Variants in LIMA1 observed in about 807,000 individuals in gnomAD.
LIMA1 encodes the protein LIM domain and actin binding 1.
LIMA1 carries 52 observed loss-of-function variants against 62.6 expected under a neutral mutation model. The observed-to-expected ratio is 0.83, with a 90% CI of 0.67 to 1.05. The LOEUF (loss-of-function observed/expected upper bound fraction) is 1.05. Ranked by LOEUF, LIMA1 falls within the 50% of genes least tolerant of loss-of-function variation. The pLI, the probability that LIMA1 is intolerant of heterozygous loss-of-function variation, is 0.00. For synonymous variants in LIMA1, 302 were observed against 317.8 expected (o/e 0.95, Z 0.53); for missense variants, 780 against 902.2 (o/e 0.86, Z 1.74).
intron 2 of LIMA1, among the ~76,000 whole-genome samples, chr12:50,240,775 C>T (rs1162127840): frequency 6.6e-6 from 1 of 152,052 alleles, no homozygotes; most frequent in Admixed American, 6.6e-5. Context: ...AACTTGCGTG[C>T]CCATGGATGG....
intron 2 of LIMA1, among the ~76,000 whole-genome samples, chr12:50,237,628 C>G (rs1235519701): frequency 1.3e-5 from 2 of 151,460 alleles, no homozygotes; most frequent in Non-Finnish European, 1.5e-5. Context: ...CAGAGTGAGA[C>G]TCGGTCTCAA....
intron 3 of LIMA1, among the ~76,000 whole-genome samples, chr12:50,228,804 C>A (rs1291328219): frequency 2.0e-5 from 3 of 152,212 alleles, no homozygotes; most frequent in African/African-American, 7.2e-5. Flanking sequence ...CTCTAATCTG[C>A]TTTTACTGTA....
intron 1 of LIMA1, among the ~76,000 whole-genome samples, chr12:50,266,140 G>A (rs1942136401): frequency 6.6e-6 from 1 of 152,146 alleles, no homozygotes; most frequent in Non-Finnish European, 1.5e-5. Flanking sequence ...ACTTCTCAAA[G>A]GTAACCTCTG....
intron 1 of LIMA1, 72 bp from the exon 2 acceptor site, chr12:50,248,846 G>A: frequency 1.3e-6 from 1 of 796,070 alleles, no homozygotes; most frequent in Non-Finnish European, 2.2e-6. Flanking sequence ...TGGCAGTGGT[G>A]TGGTAGAGCC....
intron 4 of LIMA1, among the ~76,000 whole-genome samples, chr12:50,211,368 G>A (rs1941253566): frequency 6.6e-6 from 1 of 150,868 alleles, no homozygotes; most frequent in Non-Finnish European, 1.5e-5. Context: ...ACAAGGCTGG[G>A]CGTGGTAGCT....
chr12:50,212,772 T>G (rs2138519023), intron 4 of LIMA1, among the ~76,000 whole-genome samples: 1 of 152,286 alleles, frequency 6.6e-6, no homozygotes, highest in South Asian at 2.1e-4. Flanking sequence ...AATCATACCT[T>G]TTGATGTAAG....
rs762645133 is a variant in LIMA1 at position 50,222,386 on chromosome 12, A to G, written c.265T>C (p.Ser89Pro). 6.2e-7 allele frequency: 1 copy of G among 1,614,120 alleles called. No homozygotes were observed. Among genetic ancestry groups the G allele is most frequent in the Non-Finnish European group, 8.5e-7 (1 of 1,180,016 alleles). The change falls in exon 4 of 11, where the codon TCT becomes CCT. Residue 89 changes from serine (S) to proline (P), a missense_variant. Ser to Pro is a moderately conservative substitution (Grantham distance 74, BLOSUM62 -1). Coordinates refer to ENST00000341247, the MANE Select transcript of LIMA1 (RefSeq NM_016357.5). ...PGLGAESHTD[S>P]LRNSSTEIRH... is the part of the protein sequence containing the mutation. ...ATCTCAGTGCTGCTGTTCCGTAGAGAGTCTGTGTGAGACTCTGCTCCCAGC... is the reference window on the plus strand; with the variant it reads ...ATCTCAGTGCTGCTGTTCCGTAGAGGGTCTGTGTGAGACTCTGCTCCCAGC...
intron 1 of LIMA1, among the ~76,000 whole-genome samples, chr12:50,270,927 C>T (rs556849344): frequency 6.6e-6 from 1 of 152,038 alleles, no homozygotes; most frequent in South Asian, 2.1e-4. Context: ...CCCGTCTCTA[C>T]TAAAAACACA....
chr12:50,254,155 T>C (rs755574757), intron 1 of LIMA1, among the ~76,000 whole-genome samples: 9 of 152,004 alleles, frequency 5.9e-5, no homozygotes, highest in Admixed American at 3.3e-4. Flanking sequence ...TGCATTCTAC[T>C]ACCACATGAA....
chr12:50,252,652 C>A (rs1262631524), intron 1 of LIMA1, among the ~76,000 whole-genome samples: 1 of 150,752 alleles, frequency 6.6e-6, no homozygotes, highest in Non-Finnish European at 1.5e-5. Flanking sequence ...GAGTTTGGGC[C>A]ATATTTCAAT....
At chr12:50,279,207 T>C (rs1042957947) in intron 1 of LIMA1, among the ~76,000 whole-genome samples, 11 of 151,284 alleles carry the variant, frequency 7.3e-5, no homozygotes, top group African/African-American at 2.4e-4. Flanking sequence ...GGTTTCACTA[T>C]GTTGGCCAGG....
In LIMA1 at chr12:50,178,962, A is replaced by ATTTTT. The variant is rs1168217018; in HGVS notation, c.1275-894_1275-893insAAAAA. ...ACGGTATATAAATACATATATATATATATATTTTTTTTTTCTTTTTCTTTT... is the reference window on the plus strand; with the variant it reads ...ACGGTATATAAATACATATATATATATTTTTTATATTTTTTTTTTCTTTTTCTTTT... On this transcript the variant is annotated intron_variant, in intron 10 of 10. Coordinates refer to ENST00000341247, the MANE Select transcript of LIMA1 (RefSeq NM_016357.5). Among the ~76,000 whole-genome samples, 41 of 95,512 alleles carry ATTTTT rather than the reference A, an allele frequency of 4.3e-4. No individual in the cohort carries two copies. In the South Asian group the frequency reaches 6.5e-3, roughly 15 times the overall value. The allele number at this position is 95,512 out of a possible 152,430, so 62.7% of individuals were successfully genotyped here.
At chr12:50,237,864 G>A (rs959649671) in intron 2 of LIMA1, among the ~76,000 whole-genome samples, 2 of 152,116 alleles carry the variant, frequency 1.3e-5, no homozygotes, top group Non-Finnish European at 1.5e-5. Flanking sequence ...TCAACAAATG[G>A]TGCTAGGAAA....
chr12:50,190,875 T>C (rs2138419905), intron 9 of LIMA1, among the ~76,000 whole-genome samples: 1 of 150,892 alleles, frequency 6.6e-6, no homozygotes, highest in South Asian at 2.1e-4. Context: ...CCCAGCATTT[T>C]GGGAGGCCAA....
In LIMA1 at chr12:50,182,359, G is replaced by A. The variant is rs1473344223; in HGVS notation, c.1141-322C>T. 6.1e-5 allele frequency among the ~76,000 whole-genome samples: 9 copies of A among 148,002 alleles called. No homozygotes were observed. In the South Asian group the frequency reaches 6.4e-4, roughly 10 times the overall value. ...GGAGCAGGGGATGGGGGAAGGGGTC[G>A]GGGGGGGGAGTGCAGGGATTAGGAG... On this transcript the variant is annotated intron_variant, in intron 9 of 10. Coordinates refer to ENST00000341247, the MANE Select transcript of LIMA1 (RefSeq NM_016357.5).
At chr12:50,208,315 C>T (rs1009619842) in intron 4 of LIMA1, among the ~76,000 whole-genome samples, 3 of 152,156 alleles carry the variant, frequency 2.0e-5, no homozygotes, top group African/African-American at 7.2e-5. Context: ...GAAACCCCGT[C>T]TCTACTAAAA....
Position 50,177,245 on chromosome 12 carries a change from T to C in LIMA1, c.2099A>G (p.Gln700Arg). Residue 700 changes from glutamine to arginine, a missense_variant, in exon 11 of 11, where the codon CAA becomes CGA. Physicochemically the swap from Gln to Arg is conservative, Grantham distance 43. Coordinates refer to ENST00000341247, the MANE Select transcript of LIMA1 (RefSeq NM_016357.5). The part of the protein sequence containing the change: ...DNSFLKQQSP[Q>R]EPKSLNWSSF... ...CGACCAATTCAGAGACTTGGGTTCT[T>C]GTGGAGATTGTTGTTTGAGGAAGCT... is the stretch of plus-strand genomic sequence containing the variant. 1.5e-5 allele frequency: 25 copies of C among 1,614,114 alleles called. No homozygotes were observed. Among genetic ancestry groups the C allele is most frequent in the Non-Finnish European group, 2.0e-5 (24 of 1,180,006 alleles).
Position 50,177,405 on chromosome 12 carries a change from TC to T in LIMA1, c.1938del (p.Asn647MetfsTer34). ...VENAKASKKN[G>X]NVGKTTWQNK... ...TTTTGCCAGGTTGTTTTTCCCACATTCCCATTCTTCTTAGAAGCCTTGGCAT... is the reference window on the plus strand; with the variant it reads ...TTTTGCCAGGTTGTTTTTCCCACATTCCATTCTTCTTAGAAGCCTTGGCAT... On this transcript the variant is annotated frameshift_variant, in exon 11 of 11. Transcript: ENST00000341247. LOFTEE classifies it low-confidence loss of function (END_TRUNC). 6.2e-7 allele frequency: 1 copy of T among 1,614,170 alleles called. No individual in the cohort carries two copies. Among genetic ancestry groups the T allele is most frequent in the Non-Finnish European group, 8.5e-7 (1 of 1,180,036 alleles).
At chr12:50,214,126 A>G (rs1218913881) in intron 4 of LIMA1, among the ~76,000 whole-genome samples, 1 of 152,098 alleles carries the variant, frequency 6.6e-6, no homozygotes, top group African/African-American at 2.4e-5. Context: ...ATGTACCACT[A>G]TAAATAGATG....
Sources: allele counts gnomAD v4.1 joint callset (sites outside exome capture counted in the v4.1 genomes callset), GRCh38; gene constraint gnomAD v4.1.1; transcripts MANE v1.5; gene names NCBI Gene and HGNC (gene_info 2026-07-23, HGNC 2026-07-21).